L3MBTL4: variants seen among roughly 807,000 people sequenced by gnomAD.
L3MBTL4 encodes the protein lethal(3)malignant brain tumor-like protein 4.
A neutral mutation model predicts 84.5 loss-of-function variants in L3MBTL4; 70 were observed. The ratio of observed to expected loss-of-function variants is 0.83; its 90% CI spans 0.68 to 1.01. The LOEUF is 1.01. L3MBTL4 is among the 50% of genes least tolerant of loss of function. L3MBTL4 has a pLI of 0.00. For synonymous variants in L3MBTL4, 274 were observed against 259.8 expected, an observed-to-expected ratio of 1.05 and a Z score of -0.52; for missense variants, 715 against 754.8, an observed-to-expected ratio of 0.95 and a Z score of 0.62.
intron 8 of L3MBTL4, 23 bp from the exon 9 acceptor site, chr18:6,239,895 A>G: frequency 6.2e-7 from 1 of 1,613,686 alleles, no homozygotes. Context: ...CAGCAGGGGA[A>G]GAAGCACAAA....
intron 5 of L3MBTL4, among the ~76,000 whole-genome samples, chr18:6,248,817 C>T (rs546768377): frequency 7.2e-5 from 11 of 152,272 alleles, no homozygotes; most frequent in Admixed American, 3.3e-4. Context: ...TGTATAGGTA[C>T]CCCAGCTCAT....
chr18:6,373,125 A>C (rs965124518), intron 1 of L3MBTL4, among the ~76,000 whole-genome samples: 5 of 152,118 alleles, frequency 3.3e-5, no homozygotes, highest in Non-Finnish European at 5.9e-5. Flanking sequence ...TGGGGAAAAA[A>C]ATTTCTCTAA....
At chr18:6,382,752 C>T (rs1384509039) in intron 1 of L3MBTL4, among the ~76,000 whole-genome samples, 1 of 152,204 alleles carries the variant, frequency 6.6e-6, no homozygotes, top group African/African-American at 2.4e-5. Context: ...TCTATCGGTC[C>T]CTACTCGGAG....
chr18:6,211,292 G>A, intron 12 of L3MBTL4, among the ~76,000 whole-genome samples: 1 of 152,164 alleles, frequency 6.6e-6, no homozygotes, highest in Non-Finnish European at 1.5e-5. Flanking sequence ...GAGTGCCAAG[G>A]TACATTCAGT....
chr18:6,008,342 T>A lies in L3MBTL4; in HGVS notation c.1445-38780A>T, dbSNP rs535849230. 3.9e-5 allele frequency among the ~76,000 whole-genome samples: 6 copies of A among 152,286 alleles called. No individual in the cohort carries two copies. In the East Asian group the frequency reaches 9.6e-4, roughly 24 times the overall value. ...CACGTGACAGCTCAAGGAAGGTCGA[T>A]CTGTATCTGACAAGAGATGTCTGTG... is the stretch of plus-strand genomic sequence containing the variant. On this transcript the variant is annotated intron_variant, in intron 16 of 18. Coordinates refer to ENST00000317931, the MANE Select transcript of L3MBTL4 (RefSeq NM_001330559.2).
At chr18:6,191,411 G>C (rs2145514779) in intron 12 of L3MBTL4, among the ~76,000 whole-genome samples, 1 of 152,256 alleles carries the variant, frequency 6.6e-6, no homozygotes, top group African/African-American at 2.4e-5. Context: ...CCACATTTTT[G>C]ACTTGAGCGA....
intron 16 of L3MBTL4, chr18:6,029,420 C>T (rs781238829): frequency 1.1e-6 from 1 of 945,008 alleles, no homozygotes; most frequent in Non-Finnish European, 1.3e-6. Context: ...CCTAGAAACC[C>T]AAAATAATTA....
intron 1 of L3MBTL4, chr18:6,367,803 G>C (rs1156366329): frequency 6.6e-6 from 1 of 152,226 alleles, no homozygotes; most frequent in African/African-American, 2.4e-5. Flanking sequence ...ATGGTGATTT[G>C]CCTTTTAACA....
At chr18:5,983,110 C>T (rs1419286287) in intron 16 of L3MBTL4, among the ~76,000 whole-genome samples, 1 of 152,226 alleles carries the variant, frequency 6.6e-6, no homozygotes, top group Non-Finnish European at 1.5e-5. Flanking sequence ...CACGAGGAAA[C>T]ACAGTCTTGT....
At chr18:6,171,686 C>T (rs1054276761) in intron 13 of L3MBTL4, 142 bp downstream of exon 13, 1 of 463,504 alleles carries the variant, frequency 2.2e-6, no homozygotes, top group Non-Finnish European at 3.8e-6. Flanking sequence ...TGTAAATAAT[C>T]GGCTTTCAGT....
At chr18:6,381,723 G>A (rs566090022) in intron 1 of L3MBTL4, among the ~76,000 whole-genome samples, 50 of 152,322 alleles carry the variant, frequency 3.3e-4, no homozygotes, top group Middle Eastern at 6.8e-3. Context: ...ATGGGGTTCC[G>A]TTTGTGGGTA....
chr18:6,337,720 G>T (rs78228730), intron 1 of L3MBTL4, among the ~76,000 whole-genome samples: 1 of 152,048 alleles, frequency 6.6e-6, no homozygotes, highest in Non-Finnish European at 1.5e-5. Context: ...AGCTGAACAC[G>T]TATGTTCGAT....
chr18:6,404,349 T>C (rs1266460403), intron 1 of L3MBTL4, among the ~76,000 whole-genome samples: 1 of 151,982 alleles, frequency 6.6e-6, no homozygotes, highest in Non-Finnish European at 1.5e-5. Context: ...AACAAACAAA[T>C]GAAAAAAGAG....
chr18:6,255,567 T>C (rs1205918532), intron 5 of L3MBTL4, among the ~76,000 whole-genome samples: 1 of 152,188 alleles, frequency 6.6e-6, no homozygotes, highest in Non-Finnish European at 1.5e-5. Flanking sequence ...ATTAATCATC[T>C]TAAATGACTT....
At chr18:5,962,364 C>T (rs9955671) in intron 17 of L3MBTL4, among the ~76,000 whole-genome samples, 50,110 of 151,864 alleles carry the variant, frequency 0.33, 8,603 homozygotes, top group Non-Finnish European at 0.37. Flanking sequence ...CCCAGCAAAC[C>T]CCAAAGCAGG....
intron 16 of L3MBTL4, among the ~76,000 whole-genome samples, chr18:5,970,499 A>T (rs185663909): frequency 1.3e-5 from 2 of 152,340 alleles, no homozygotes; most frequent in Admixed American, 1.3e-4. Context: ...TAAATCTACA[A>T]ATGGATAAGG....
chr18:5,959,538 G>T (rs2095251559), intron 18 of L3MBTL4, among the ~76,000 whole-genome samples: 1 of 152,092 alleles, frequency 6.6e-6, no homozygotes, highest in Admixed American at 6.5e-5. Context: ...AACCAAGAGG[G>T]GACAGGAGAT....
chr18:6,296,941 C>T (rs1367202746), intron 4 of L3MBTL4, among the ~76,000 whole-genome samples: 2 of 152,062 alleles, frequency 1.3e-5, no homozygotes, highest in African/African-American at 4.8e-5. Context: ...GATGATGGTG[C>T]TACAGGACGA....
chr18:6,401,685 T>C (rs1046232410), intron 1 of L3MBTL4, among the ~76,000 whole-genome samples: 5 of 152,102 alleles, frequency 3.3e-5, no homozygotes, highest in African/African-American at 7.2e-5. Flanking sequence ...TGAGAGTCAA[T>C]AGGAAAAGTG....
Sources: gnomAD v4.1 joint callset for allele counts (sites outside exome capture counted in the v4.1 genomes callset) on GRCh38, gnomAD v4.1.1 for gene constraint, MANE v1.5 for transcripts, NCBI Gene and HGNC (gene_info 2026-07-23, HGNC 2026-07-21) for gene names.